POMT2: variants seen among roughly 807,000 people sequenced by gnomAD.
The protein encoded by POMT2 is protein O-mannosyltransferase 2, also known as protein O-mannosyl-transferase 2.
A neutral mutation model predicts 100.0 loss-of-function variants in POMT2; 75 were observed. The observed-to-expected ratio is 0.75, with a 90% CI of 0.62 to 0.91. The LOEUF is 0.91. Ranked by LOEUF, POMT2 falls within the 40% of genes least tolerant of loss-of-function variation. POMT2 has a pLI of 0.00. For missense variants in POMT2, 940 were observed against 955.1 expected, an observed-to-expected ratio of 0.98 and a Z score of 0.21; for synonymous variants, 378 against 374.1, an observed-to-expected ratio of 1.01 and a Z score of -0.12.
chr14:77,296,072 C>T lies in POMT2; in HGVS notation c.1116+92G>A, dbSNP rs901888347. 11 of 1,042,076 alleles carry T rather than the reference C, an allele frequency of 1.1e-5. No homozygotes were observed. The Admixed American group carries it at 1.6e-4, about 15-fold the overall frequency. 64.6% of individuals were successfully genotyped at this position (1,042,076 alleles called of 1,614,324 possible). ...GCTAGGAAGAATGTTTCAAGCAGGGCGAACAGGATGAGCAAAGGATAGGAG... is the reference window on the plus strand; with the variant it reads ...GCTAGGAAGAATGTTTCAAGCAGGGTGAACAGGATGAGCAAAGGATAGGAG... On this transcript the variant is annotated intron_variant, in intron 9 of 20. Coordinates refer to ENST00000261534, the MANE Select transcript of POMT2 (RefSeq NM_013382.7).
intron 10 of POMT2, among the ~76,000 whole-genome samples, chr14:77,290,816 C>T (rs1350564047): frequency 6.6e-6 from 1 of 152,222 alleles, no homozygotes; most frequent in Non-Finnish European, 1.5e-5. Context: ...TAGACAAATT[C>T]CAGTCACAGG....
chr14:77,296,364 C>G, intron 8 of POMT2, 91 bp from the exon 9 acceptor site: 1 of 881,250 alleles, frequency 1.1e-6, no homozygotes, highest in Non-Finnish European at 1.8e-6. Context: ...ACAGGGCTCA[C>G]TAACCCTCTG....
chr14:77,282,050 G>A lies in POMT2; in HGVS notation c.1654-1587C>T, dbSNP rs986469454. On this transcript the variant is annotated intron_variant, in intron 15 of 20. Transcript: ENST00000261534. Reference sequence around the variant, plus strand: ...AAGGGGACAGCTGCACGGCCCCAGCGTCACTGCGGCCCTTTGAAGGACCTG... The same window carrying A: ...AAGGGGACAGCTGCACGGCCCCAGCATCACTGCGGCCCTTTGAAGGACCTG... 2.6e-5 allele frequency among the ~76,000 whole-genome samples: 4 copies of A among 152,130 alleles called. No individual in the cohort carries two copies. The East Asian group carries it at 7.7e-4, about 29-fold the overall frequency.
intron 2 of POMT2, 53 bp from the exon 3 acceptor site, chr14:77,306,494 T>C: frequency 6.3e-7 from 1 of 1,595,310 alleles, no homozygotes. Flanking sequence ...AGAAGATTCC[T>C]CTGTCCTCTG....
intron 15 of POMT2, among the ~76,000 whole-genome samples, chr14:77,280,857 C>G (rs574370695): frequency 6.6e-5 from 10 of 152,098 alleles, no homozygotes; most frequent in Non-Finnish European, 1.5e-4. Context: ...TTTGGGAGGC[C>G]GAGGCGGGTG....
intron 1 of POMT2, among the ~76,000 whole-genome samples, chr14:77,316,180 C>T (rs959035124): frequency 1.4e-4 from 21 of 152,174 alleles, no homozygotes; most frequent in Non-Finnish European, 2.5e-4. Context: ...GATTGCCAGA[C>T]CCATAAAGGC....
Position 77,284,955 on chromosome 14 carries a change from G to A in POMT2, c.1571C>T (p.Pro524Leu), listed in dbSNP as rs749936639. 6.2e-7 allele frequency: 1 copy of A among 1,606,942 alleles called. No homozygotes were observed. The highest frequency in any genetic ancestry group is 1.7e-5 in the Admixed American group (1 of 60,012). The change falls in exon 14 of 21, where the codon CCC (proline) becomes CTC (leucine). Residue 524 changes from proline to leucine, a missense_variant. Physicochemically the swap from Pro to Leu is moderately conservative, Grantham distance 98. Transcript: ENST00000261534. ...CAGAAAGTGACCTCACTCACACTTG[G>A]GATTGATATGGTCCTCCACATTCCA... is the stretch of plus-strand genomic sequence containing the variant. ...SIWNVEDHIN[P>L]KLPNISLDVL... is the part of the protein sequence containing the mutation.
intron 1 of POMT2, among the ~76,000 whole-genome samples, chr14:77,318,246 CTG>C (rs1891698438): frequency 6.6e-6 from 1 of 152,140 alleles, no homozygotes; most frequent in African/African-American, 2.4e-5. Context: ...CAAGCAGCAA[CTG>C]TGGCTGGCAA....
chr14:77,308,348 G>GTTT (rs1348490150), intron 2 of POMT2, among the ~76,000 whole-genome samples: 6 of 106,688 alleles, frequency 5.6e-5, no homozygotes, highest in Admixed American at 1.9e-4. Flanking sequence ...AATTGACAAA[G>GTTT]TTTTTTTGTT....
chr14:77,312,153 G>A, intron 1 of POMT2, 120 bp from the exon 2 acceptor site: 9 of 1,440,992 alleles, frequency 6.2e-6, no homozygotes, highest in East Asian at 2.6e-5. Flanking sequence ...GCAAAAGTCT[G>A]GATTTAAAAA....
At chr14:77,310,133 G>A (rs1290824025) in intron 2 of POMT2, among the ~76,000 whole-genome samples, 1 of 152,234 alleles carries the variant, frequency 6.6e-6, no homozygotes, top group East Asian at 1.9e-4. Flanking sequence ...TGGTTCCCAG[G>A]CGAGCTCCAT....
At position 77,276,586 on chromosome 14, in the gene POMT2, C is replaced by T. The variant is rs7159558; in HGVS notation, c.*790G>A. The T allele has an allele frequency of 0.56, 84,564 of 152,182 alleles. 23,969 individuals are homozygous for T. The highest frequency in any genetic ancestry group is 0.6 in the African/African-American group (24,946 of 41,500). The allele number at this position is 152,182 out of a possible 1,614,324, so 9.4% of individuals were successfully genotyped here. On this transcript the variant is annotated 3_prime_UTR_variant, in exon 21 of 21. Transcript: ENST00000261534. ...CTCTGGCACACAGGGCCTGGGAACACTGAGCAGCCCAGGATAGGACATCGT... is the reference window on the plus strand; with the variant it reads ...CTCTGGCACACAGGGCCTGGGAACATTGAGCAGCCCAGGATAGGACATCGT...
At chr14:77,317,602 C>G (rs979354369) in intron 1 of POMT2, among the ~76,000 whole-genome samples, 7 of 152,240 alleles carry the variant, frequency 4.6e-5, no homozygotes, top group African/African-American at 1.7e-4. Context: ...TAACCTCCTC[C>G]TGGTCTGCAA....
chr14:77,282,835 G>A (rs753296535), intron 15 of POMT2, among the ~76,000 whole-genome samples: 12 of 152,158 alleles, frequency 7.9e-5, no homozygotes, highest in Non-Finnish European at 1.5e-4. Flanking sequence ...GCTTACCAGG[G>A]GAAAAATAAC....
Position 77,320,513 on chromosome 14 carries a change from A to C in POMT2, c.169T>G (p.Trp57Gly), listed in dbSNP as rs1566666666. ...GTCACCAAGGCCAGCAGGGCCCACC[A>C]GCCGACCGCCTCGAAGCGCCGTGAG... Reference protein sequence around the residue: ...WGSRRFEAVGWWALLALVTLL... With the variant: ...WGSRRFEAVGGWALLALVTLL... Residue 57 changes from tryptophan to glycine, a missense_variant, in exon 1 of 21, where the codon TGG becomes GGG. Coordinates refer to ENST00000261534, the MANE Select transcript of POMT2 (RefSeq NM_013382.7). The C allele has an allele frequency of 6.4e-7, 1 of 1,551,144 alleles. No individual in the cohort carries two copies. Among genetic ancestry groups the C allele is most frequent in the Non-Finnish European group, 8.7e-7 (1 of 1,152,142 alleles).
intron 1 of POMT2, among the ~76,000 whole-genome samples, chr14:77,313,856 C>T (rs1443242767): frequency 6.6e-6 from 1 of 152,120 alleles, no homozygotes; most frequent in African/African-American, 2.4e-5. Flanking sequence ...TACAGGCGGC[C>T]GCCACCACAC....
chr14:77,283,936 G>A, intron 14 of POMT2, 63 bp from the exon 15 acceptor site: 7 of 1,365,268 alleles, frequency 5.1e-6, no homozygotes, highest in Non-Finnish European at 6.3e-6. Flanking sequence ...TCTGTCCATG[G>A]TGTCCACATT....
intron 8 of POMT2, among the ~76,000 whole-genome samples, chr14:77,298,348 A>G (rs1029570181): frequency 6.6e-6 from 1 of 152,330 alleles, no homozygotes; most frequent in South Asian, 2.1e-4. Context: ...TCATAGATGA[A>G]CGAATGCAAC....
intron 13 of POMT2, 190 bp from the exon 14 acceptor site, chr14:77,285,231 C>A (rs1445332858): frequency 2.8e-6 from 2 of 716,354 alleles, no homozygotes; most frequent in Non-Finnish European, 4.6e-6. Context: ...TAGAAAAAGA[C>A]ATAGACCCAG....
Sources: gnomAD v4.1 joint callset for allele counts (sites outside exome capture counted in the v4.1 genomes callset) on GRCh38, gnomAD v4.1.1 for gene constraint, MANE v1.5 for transcripts, NCBI Gene and HGNC (gene_info 2026-07-23, HGNC 2026-07-21) for gene names.